TRPM3: variants seen among roughly 807,000 people sequenced by gnomAD.
TRPM3 encodes transient receptor potential cation channel subfamily M member 3.
In TRPM3, 77 loss-of-function variants were observed where a neutral mutation model predicts 181.2. The ratio of observed to expected loss-of-function variants is 0.42; its 90% confidence interval spans 0.35 to 0.51. The LOEUF is 0.51. Ranked by LOEUF, TRPM3 falls within the 20% of genes least tolerant of loss-of-function variation. TRPM3 has a pLI of 0.01. For synonymous variants in TRPM3, 745 were observed against 796.4 expected, an observed-to-expected ratio of 0.94 and a Z score of 1.09; for missense variants, 1,759 against 2,196.7, an observed-to-expected ratio of 0.80 and a Z score of 3.98.
intron 1 of TRPM3, among the ~76,000 whole-genome samples, chr9:71,148,457 TG>T (rs1475729273): frequency 3.9e-5 from 6 of 152,334 alleles, no homozygotes; most frequent in Non-Finnish European, 7.4e-5. Flanking sequence ...TGAAATGCTT[TG>T]TTTTCTGAGG....
intron 1 of TRPM3, among the ~76,000 whole-genome samples, chr9:71,360,470 C>A (rs2092096444): frequency 6.6e-6 from 1 of 152,118 alleles, no homozygotes; most frequent in African/African-American, 2.4e-5. Context: ...TCAGATATTT[C>A]ATCACAAGGC....
At position 70,690,286 on chromosome 9, in the gene TRPM3, G is replaced by C. The variant is rs189358949; in HGVS notation, c.1273-8708C>G. On this transcript the variant is annotated intron_variant, in intron 8 of 25. Coordinates refer to ENST00000677713, the MANE Select transcript of TRPM3 (RefSeq NM_001366145.2). The stretch of plus-strand genomic sequence containing the variant: ...GAAATATTCTCATAGCTATACGATA[G>C]ATAATCAACAAAGAAAGTTCTTATC... Among the ~76,000 whole-genome samples, 346 of 152,276 alleles carry C rather than the reference G, an allele frequency of 2.3e-3. 1 individual carries two copies. The highest frequency in any genetic ancestry group is 8.0e-3 in the African/African-American group (334 of 41,578).
intron 1 of TRPM3, among the ~76,000 whole-genome samples, chr9:71,096,590 A>ACACACACACTCTCTCTCTCTCTCT (rs1452142664): frequency 1.4e-4 from 13 of 90,036 alleles, no homozygotes; most frequent in African/African-American, 6.2e-4. Context: ...ACACACACAC[A>ACACACACACTCTCTCTCTCTCTCT]CTCTCTCTCT....
At chr9:71,243,730 C>T (rs1244363444) in intron 1 of TRPM3, among the ~76,000 whole-genome samples, 1 of 152,180 alleles carries the variant, frequency 6.6e-6, no homozygotes, top group East Asian at 1.9e-4. Context: ...GCCTAATTAA[C>T]CTACACTGTC....
At chr9:70,916,433 C>A (rs1715360021) in intron 1 of TRPM3, among the ~76,000 whole-genome samples, 1 of 152,108 alleles carries the variant, frequency 6.6e-6, no homozygotes, top group Admixed American at 6.5e-5. Flanking sequence ...ACTACAACAA[C>A]TTTTCAAGAC....
intron 1 of TRPM3, among the ~76,000 whole-genome samples, chr9:71,076,040 C>T (rs748030094): frequency 2.0e-5 from 3 of 151,956 alleles, no homozygotes; most frequent in African/African-American, 7.3e-5. Context: ...AGTTAAGTAC[C>T]AACTGTACGT....
intron 22 of TRPM3, among the ~76,000 whole-genome samples, chr9:70,581,924 C>T (rs1305401218): frequency 2.0e-5 from 3 of 147,766 alleles, no homozygotes; most frequent in Non-Finnish European, 3.0e-5. Context: ...CATTCCTTCC[C>T]TCCTTCCCTC....
At chr9:71,209,029 C>G (rs1283176014) in intron 1 of TRPM3, among the ~76,000 whole-genome samples, 1 of 152,124 alleles carries the variant, frequency 6.6e-6, no homozygotes, top group East Asian at 1.9e-4. Flanking sequence ...CAATGTAAAT[C>G]ATGAGACTTT....
At chr9:70,576,618 G>T (rs2054075142) in intron 22 of TRPM3, among the ~76,000 whole-genome samples, 1 of 151,480 alleles carries the variant, frequency 6.6e-6, no homozygotes, top group African/African-American at 2.4e-5. Context: ...GGATTCAAGT[G>T]GTTTTCCTGC....
chr9:71,354,458 G>A (rs1174000264), intron 1 of TRPM3, among the ~76,000 whole-genome samples: 1 of 152,132 alleles, frequency 6.6e-6, no homozygotes, highest in Non-Finnish European at 1.5e-5. Context: ...TCATAACCAA[G>A]ACACTTAGAA....
intron 1 of TRPM3, among the ~76,000 whole-genome samples, chr9:71,148,510 T>A (rs2075558177): frequency 6.6e-6 from 1 of 152,184 alleles, no homozygotes; most frequent in Admixed American, 6.6e-5. Flanking sequence ...TCCTGTCTTG[T>A]CTTCTGCCTA....
At chr9:71,239,268 A>G (rs1231015769) in intron 1 of TRPM3, among the ~76,000 whole-genome samples, 3 of 152,176 alleles carry the variant, frequency 2.0e-5, no homozygotes, top group African/African-American at 7.2e-5. Flanking sequence ...TCTCACAGGT[A>G]AACACTTCAA....
intron 1 of TRPM3, among the ~76,000 whole-genome samples, chr9:71,102,867 G>A (rs1397948756): frequency 2.0e-5 from 3 of 152,104 alleles, no homozygotes; most frequent in Non-Finnish European, 4.4e-5. Context: ...CGTAACACAT[G>A]GAGCTTGAAA....
intron 6 of TRPM3, among the ~76,000 whole-genome samples, chr9:70,796,495 C>T (rs988810386): frequency 1.3e-5 from 2 of 152,254 alleles, no homozygotes; most frequent in East Asian, 1.9e-4. Flanking sequence ...GTTGTCTCTG[C>T]GAGGAACATA....
intron 18 of TRPM3, among the ~76,000 whole-genome samples, chr9:70,611,453 ACT>A (rs775453449): frequency 1.3e-5 from 2 of 151,592 alleles, no homozygotes; most frequent in Non-Finnish European, 2.9e-5. Context: ...TCGGTCTGTC[ACT>A]CTCTCTCTCC....
chr9:70,842,421 T>A (rs967807681), intron 5 of TRPM3, among the ~76,000 whole-genome samples: 3 of 152,154 alleles, frequency 2.0e-5, no homozygotes, highest in Non-Finnish European at 4.4e-5. Flanking sequence ...TTGTGTTGGA[T>A]TAAAATAAGA....
rs183047363 is a variant in TRPM3 at position 70,918,794 on chromosome 9, C to T, written c.178-54283G>A. On this transcript the variant is annotated intron_variant, in intron 1 of 25. Coordinates refer to ENST00000677713, the MANE Select transcript of TRPM3 (RefSeq NM_001366145.2). ...AGAGCAGAAATAACTGATCTTGAAA[C>T]GAACAATACAAAAGATCAATGGAAT... Among the ~76,000 whole-genome samples the T allele has an allele frequency of 3.9e-4, 59 of 151,768 alleles. No homozygotes were observed. In the South Asian group the frequency reaches 4.8e-3, roughly 12 times the overall value.
chr9:70,983,316 A>C (rs1480781414), intron 1 of TRPM3, among the ~76,000 whole-genome samples: 1 of 151,974 alleles, frequency 6.6e-6, no homozygotes, highest in Non-Finnish European at 1.5e-5. Context: ...CTAATACCTC[A>C]TATATTCTCA....
chr9:71,139,299 C>G (rs1474225508), intron 1 of TRPM3, among the ~76,000 whole-genome samples: 1 of 152,172 alleles, frequency 6.6e-6, no homozygotes, highest in Non-Finnish European at 1.5e-5. Flanking sequence ...AAGAGGTTTT[C>G]TCCTATGAAA....
Sources: gnomAD v4.1 joint callset for allele counts (sites outside exome capture counted in the v4.1 genomes callset) on GRCh38, gnomAD v4.1.1 for gene constraint, MANE v1.5 for transcripts, NCBI Gene and HGNC (gene_info 2026-07-23, HGNC 2026-07-21) for gene names.